SUCLA2: variants seen among roughly 807,000 people sequenced by gnomAD.
SUCLA2 encodes the protein succinate--CoA ligase [ADP-forming] subunit beta, mitochondrial.
Under a neutral mutation model 54.8 loss-of-function variants are expected in SUCLA2, and 30 were observed. The observed-to-expected ratio is 0.55, with a 90% CI of 0.41 to 0.74. SUCLA2 has a LOEUF of 0.74. Among genes scored for constraint, SUCLA2 ranks in the 30% least tolerant of loss-of-function variants. The pLI is 0.00. For synonymous variants in SUCLA2, 172 were observed against 188.9 expected, an observed-to-expected ratio of 0.91 and a Z score of 0.74; for missense variants, 476 against 562.9, an observed-to-expected ratio of 0.85 and a Z score of 1.56.
intron 1 of SUCLA2, among the ~76,000 whole-genome samples, chr13:47,997,646 CT>C (rs1215818557): frequency 2.0e-5 from 3 of 152,210 alleles, no homozygotes; most frequent in Non-Finnish European, 4.4e-5. Flanking sequence ...GTCACACCTC[CT>C]TCCCACTGTC....
At chr13:47,993,965 CAGAGGTTGCTTGAACCCAGG>C in intron 2 of SUCLA2, among the ~76,000 whole-genome samples, 1 of 149,284 alleles carries the variant, frequency 6.7e-6, no homozygotes, top group African/African-American at 2.5e-5. Flanking sequence ...ACCCAGGAGG[CAGAGGTTGCTTGAACCCAGG>C]AGGCGGAGGT....
chr13:47,997,068 G>A, intron 1 of SUCLA2, 45 bp from the exon 2 acceptor site: 10 of 1,602,580 alleles, frequency 6.2e-6, no homozygotes, highest in Non-Finnish European at 8.5e-6. Context: ...TGATTTGGCA[G>A]TCACTCTTGC....
At chr13:47,951,441 T>C (rs1161671082) in intron 8 of SUCLA2, among the ~76,000 whole-genome samples, 1 of 152,070 alleles carries the variant, frequency 6.6e-6, no homozygotes, top group African/African-American at 2.4e-5. Flanking sequence ...CAATTCAGTG[T>C]CACTGCCACC....
intron 1 of SUCLA2, among the ~76,000 whole-genome samples, chr13:47,999,467 G>C (rs1325482487): frequency 2.0e-5 from 3 of 152,114 alleles, no homozygotes; most frequent in African/African-American, 7.2e-5. Context: ...CAGCACTTTA[G>C]GAGGCCGAGG....
Position 47,988,865 on chromosome 13 carries a change from T to TA in SUCLA2, c.371+16dup, listed in dbSNP as rs1434881298. 6.2e-7 allele frequency: 1 copy of TA among 1,609,486 alleles called. No homozygotes were observed. ...GTCTTTAACAAGGATGATTTTTCCT[T>TA]AAAAAATGTGACTTACGAGAAAACT... On this transcript the variant is annotated intron_variant, in intron 3 of 10. Transcript: ENST00000646932.
intron 8 of SUCLA2, among the ~76,000 whole-genome samples, 198 bp downstream of exon 8, chr13:47,953,942 C>T (rs1949796461): frequency 2.0e-5 from 3 of 151,874 alleles, no homozygotes; most frequent in South Asian, 4.2e-4. Flanking sequence ...ATTACACAAA[C>T]ATTAAAATGA....
chr13:47,965,520 A>C (rs148494201), intron 6 of SUCLA2: 10,934 of 395,738 alleles, frequency 0.028, 212 homozygotes, highest in Middle Eastern at 0.034. Context: ...AACAAACAAA[A>C]AAAAAAAACA....
At chr13:47,988,251 T>C in intron 4 of SUCLA2, 1 of 467,952 alleles carries the variant, frequency 2.1e-6, no homozygotes, top group Non-Finnish European at 3.7e-6. Flanking sequence ...AATCTGGAGA[T>C]GATCCAGAGA....
At chr13:47,988,461 C>A (rs1167807892) in intron 4 of SUCLA2, 80 bp downstream of exon 4, 1 of 1,499,160 alleles carries the variant, frequency 6.7e-7, no homozygotes, top group African/African-American at 1.4e-5. Flanking sequence ...ATCTTTCCCA[C>A]ATAAATAGAA....
chr13:47,976,836 C>A (rs7322515), intron 4 of SUCLA2, among the ~76,000 whole-genome samples: 110,861 of 151,982 alleles, frequency 0.73, 41,367 homozygotes, highest in Non-Finnish European at 0.82. Context: ...GTCAGTGCTC[C>A]AAAAGCTTAG....
chr13:47,991,099 A>C (rs1172379986), intron 2 of SUCLA2, among the ~76,000 whole-genome samples: 1 of 152,138 alleles, frequency 6.6e-6, no homozygotes, highest in Non-Finnish European at 1.5e-5. Flanking sequence ...AACCACCACT[A>C]TCTCTTAACT....
intron 2 of SUCLA2, among the ~76,000 whole-genome samples, chr13:47,992,642 A>G (rs976299614): frequency 2.0e-5 from 3 of 152,224 alleles, no homozygotes; most frequent in African/African-American, 7.2e-5. Flanking sequence ...CTAGTCAGAC[A>G]AGATCTTTTT....
chr13:47,956,246 A>G (rs1356824052), intron 6 of SUCLA2, among the ~76,000 whole-genome samples: 1 of 152,228 alleles, frequency 6.6e-6, no homozygotes. Context: ...AACAACATGG[A>G]AAATCCAGAA....
intron 1 of SUCLA2, among the ~76,000 whole-genome samples, chr13:47,999,551 C>CA (rs1466086104): frequency 6.6e-6 from 1 of 151,896 alleles, no homozygotes; most frequent in Non-Finnish European, 1.5e-5. Context: ...ACTAAAAATA[C>CA]AAAAAATTAG....
At chr13:47,970,146 T>C (rs1033977041) in intron 5 of SUCLA2, among the ~76,000 whole-genome samples, 1 of 151,828 alleles carries the variant, frequency 6.6e-6, no homozygotes, top group Admixed American at 6.6e-5. Flanking sequence ...TAATCTTTTG[T>C]TTTGACCTAT....
intron 2 of SUCLA2, among the ~76,000 whole-genome samples, chr13:47,993,728 G>A (rs1158908990): frequency 3.3e-5 from 5 of 152,120 alleles, no homozygotes; most frequent in Non-Finnish European, 5.9e-5. Context: ...TGAGCAAAGC[G>A]CTGAGTTAAG....
At chr13:47,960,215 A>G (rs1949858458) in intron 6 of SUCLA2, among the ~76,000 whole-genome samples, 2 of 152,078 alleles carry the variant, frequency 1.3e-5, no homozygotes, top group Admixed American at 1.3e-4. Flanking sequence ...GTGTATACAT[A>G]TATATAAAAC....
chr13:47,945,890 C>A (rs1360283827), intron 10 of SUCLA2: 1 of 152,268 alleles, frequency 6.6e-6, no homozygotes, highest in Non-Finnish European at 1.5e-5. Context: ...CGTATCCACG[C>A]TGTATAAACT....
intron 8 of SUCLA2, among the ~76,000 whole-genome samples, chr13:47,949,809 T>C (rs1949762185): frequency 6.6e-6 from 1 of 152,204 alleles, no homozygotes. Context: ...CCTTGGGTAA[T>C]TTCAACACCT....
Sources: gnomAD v4.1 joint callset for allele counts (sites outside exome capture counted in the v4.1 genomes callset) on GRCh38, gnomAD v4.1.1 for gene constraint, MANE v1.5 for transcripts, NCBI Gene and HGNC (gene_info 2026-07-23, HGNC 2026-07-21) for gene names.